The following AP3S1 variants were observed in gnomAD, a reference collection of about 807,000 sequenced individuals.
AP3S1 encodes adaptor related protein complex 3 subunit sigma 1.
Under a neutral mutation model 21.3 loss-of-function variants are expected in AP3S1, and 12 were observed. The observed-to-expected ratio is 0.56, with a 90% CI of 0.36 to 0.91. AP3S1 has a LOEUF of 0.91. Ranked by LOEUF, AP3S1 falls within the 40% of genes least tolerant of loss-of-function variation. The pLI is 0.01. For synonymous variants in AP3S1, 48 were observed against 78.4 expected (o/e 0.61, Z 2.05); for missense variants, 116 against 225.0 (o/e 0.52, Z 3.10).
chr5:115,847,075 C>G (rs1474286659), intron 1 of AP3S1, among the ~76,000 whole-genome samples: 1 of 152,166 alleles, frequency 6.6e-6, no homozygotes, highest in Admixed American at 6.5e-5. Flanking sequence ...CTTTGGTAAT[C>G]AGTTCAATTC....
intron 1 of AP3S1, among the ~76,000 whole-genome samples, chr5:115,857,857 C>A (rs1762907960): frequency 6.6e-6 from 1 of 152,216 alleles, no homozygotes; most frequent in South Asian, 2.1e-4. Context: ...TAAACACTAT[C>A]TTCAGCTGAG....
intron 4 of AP3S1, among the ~76,000 whole-genome samples, chr5:115,896,326 T>A (rs185405879): frequency 6.6e-6 from 1 of 152,370 alleles, no homozygotes. Context: ...TGATTTGATT[T>A]TATAAATTAA....
chr5:115,893,453 C>A (rs1174626610), intron 3 of AP3S1, among the ~76,000 whole-genome samples: 1 of 152,152 alleles, frequency 6.6e-6, no homozygotes, highest in Admixed American at 6.5e-5. Context: ...TGTTAATCAA[C>A]TATGTCATTG....
intron 3 of AP3S1, among the ~76,000 whole-genome samples, chr5:115,878,239 A>C (rs893491917): frequency 8.5e-5 from 13 of 152,052 alleles, no homozygotes; most frequent in South Asian, 8.3e-4. Flanking sequence ...CTTTTGTTGC[A>C]ATTGCTTTTG....
chr5:115,910,127 C>G (rs946569170), intron 5 of AP3S1, among the ~76,000 whole-genome samples: 1 of 151,922 alleles, frequency 6.6e-6, no homozygotes, highest in African/African-American at 2.4e-5. Flanking sequence ...ATTAGCTAGG[C>G]GTGGTGGGAC....
chr5:115,913,193 T>C lies in AP3S1; in HGVS notation c.454-169T>C, dbSNP rs569512651. 1.3e-5 allele frequency among the ~76,000 whole-genome samples: 2 copies of C among 152,310 alleles called. 1 individual carries two copies. Among genetic ancestry groups the C allele is most frequent in the South Asian group, 4.1e-4 (2 of 4,830 alleles). On this transcript the variant is annotated intron_variant, in intron 5 of 5. Coordinates refer to ENST00000316788, the MANE Select transcript of AP3S1 (RefSeq NM_001284.4). ...TTTTAATGTGTCACTGTTTTCTCTT[T>C]ATAGATTAGTATTTCAAAGTAACCA... is the stretch of plus-strand genomic sequence containing the variant.
At chr5:115,900,576 A>G (rs1751127807) in intron 4 of AP3S1, among the ~76,000 whole-genome samples, 1 of 152,204 alleles carries the variant, frequency 6.6e-6, no homozygotes, top group Non-Finnish European at 1.5e-5. Context: ...ACTACAGTCT[A>G]GAGGTGCTCA....
chr5:115,894,756 G>A (rs1377067455), intron 3 of AP3S1, among the ~76,000 whole-genome samples: 1 of 152,168 alleles, frequency 6.6e-6, no homozygotes, highest in Non-Finnish European at 1.5e-5. Context: ...ATTTCCTAAT[G>A]AGCTTTCTTC....
chr5:115,862,592 T>G (rs1049151652), intron 1 of AP3S1, among the ~76,000 whole-genome samples: 15 of 152,236 alleles, frequency 9.9e-5, no homozygotes, highest in Non-Finnish European at 1.6e-4. Flanking sequence ...ACTGTACTAC[T>G]GTAATAATTC....
chr5:115,846,448 T>C (rs1762071591), intron 1 of AP3S1, among the ~76,000 whole-genome samples: 1 of 152,162 alleles, frequency 6.6e-6, no homozygotes, highest in African/African-American at 2.4e-5. Flanking sequence ...CAGGAAAAAT[T>C]TCAAATTAAC....
intron 4 of AP3S1, among the ~76,000 whole-genome samples, chr5:115,895,446 CTG>C (rs550707606): frequency 1.7e-3 from 256 of 152,136 alleles, no homozygotes; most frequent in Non-Finnish European, 3.3e-3. Flanking sequence ...GCCTAGGAGA[CTG>C]TGAATGGAGG....
chr5:115,908,931 A>G (rs897176195), intron 5 of AP3S1: 4 of 951,992 alleles, frequency 4.2e-6, no homozygotes, highest in African/African-American at 3.5e-5. Context: ...GTCTGAAACC[A>G]TTTAATATTG....
At chr5:115,883,281 T>G (rs968114565) in intron 3 of AP3S1, among the ~76,000 whole-genome samples, 1 of 152,192 alleles carries the variant, frequency 6.6e-6, no homozygotes, top group African/African-American at 2.4e-5. Context: ...TAGGTTGGTG[T>G]CTGCCCAAAC....
At chr5:115,909,736 A>T (rs1561532437) in intron 5 of AP3S1, among the ~76,000 whole-genome samples, 1 of 152,188 alleles carries the variant, frequency 6.6e-6, no homozygotes. Context: ...ACTGTCAGAA[A>T]TATCTTACTT....
At chr5:115,895,018 GCCTT>G (rs549149505) in intron 3 of AP3S1, 65 bp from the exon 4 acceptor site, 1 of 1,021,468 alleles carries the variant, frequency 9.8e-7, no homozygotes, top group Non-Finnish European at 1.4e-6. Context: ...ATTAAGAATT[GCCTT>G]CCTTATAGAT....
At chr5:115,842,130 C>G in intron 1 of AP3S1, 24 bp downstream of exon 1, 1 of 1,536,386 alleles carries the variant, frequency 6.5e-7, no homozygotes. Flanking sequence ...CGCCGCTGAT[C>G]CGGGCGAGGG....
intron 1 of AP3S1, among the ~76,000 whole-genome samples, chr5:115,860,273 A>G (rs938671754): frequency 6.6e-6 from 1 of 152,244 alleles, no homozygotes; most frequent in African/African-American, 2.4e-5. Context: ...CTCCACCTAT[A>G]TAATCTGGGA....
At chr5:115,852,832 G>C (rs1365937863) in intron 1 of AP3S1, 1 of 205,932 alleles carries the variant, frequency 4.9e-6, no homozygotes, top group Admixed American at 5.7e-5. Context: ...TTTTAGTATG[G>C]GGAAATATAT....
intron 3 of AP3S1, among the ~76,000 whole-genome samples, chr5:115,892,635 A>G (rs1750410740): frequency 1.3e-5 from 2 of 152,148 alleles, no homozygotes; most frequent in Non-Finnish European, 2.9e-5. Context: ...TAGAGAGTAG[A>G]AGGATAGTTG....
Sources: allele counts gnomAD v4.1 joint callset (sites outside exome capture counted in the v4.1 genomes callset), GRCh38; gene constraint gnomAD v4.1.1; transcripts MANE v1.5; gene names NCBI Gene and HGNC (gene_info 2026-07-23, HGNC 2026-07-21).